ATAD2B: variants seen among roughly 807,000 people sequenced by gnomAD.
ATAD2B encodes ATPase family AAA domain containing 2B.
ATAD2B carries 40 observed loss-of-function variants against 167.6 expected under a neutral mutation model. That is an observed-to-expected ratio of 0.24 (90% CI 0.19 to 0.31). The LOEUF (loss-of-function observed/expected upper bound fraction) is 0.31, where lower values mean the gene tolerates loss of function less well. ATAD2B is among the 10% of genes least tolerant of loss of function. The pLI, the probability that ATAD2B is intolerant of heterozygous loss-of-function variation, is 1.00. For synonymous variants in ATAD2B, 579 were observed against 596.5 expected, an observed-to-expected ratio of 0.97 and a Z score of 0.43; for missense variants, 1,242 against 1,757.2, an observed-to-expected ratio of 0.71 and a Z score of 5.24.
At chr2:23,807,606 G>A (rs980425817) in intron 18 of ATAD2B, among the ~76,000 whole-genome samples, 11 of 151,810 alleles carry the variant, frequency 7.2e-5, no homozygotes, top group African/African-American at 2.7e-4. Flanking sequence ...CACGAAGTCA[G>A]GAGATCAAGG....
intron 18 of ATAD2B, among the ~76,000 whole-genome samples, chr2:23,807,761 A>G (rs1156435441): frequency 6.7e-6 from 1 of 148,706 alleles, no homozygotes; most frequent in African/African-American, 2.5e-5. Flanking sequence ...GGTTGCAGTG[A>G]GCTGAGATTG....
downstream of ATAD2B, among the ~76,000 whole-genome samples, chr2:23,746,559 T>C (rs893164568): frequency 2.6e-5 from 4 of 152,228 alleles, no homozygotes; most frequent in Non-Finnish European, 5.9e-5. Context: ...AAATGTTTAC[T>C]GAACTGACAG....
At chr2:23,883,394 G>A (rs1400324670) in intron 6 of ATAD2B, among the ~76,000 whole-genome samples, 1 of 151,122 alleles carries the variant, frequency 6.6e-6, no homozygotes, top group African/African-American at 2.4e-5. Context: ...AACAAATACA[G>A]TATTTATCTA....
At chr2:23,776,205 T>A (rs558807854) in intron 22 of ATAD2B, among the ~76,000 whole-genome samples, 10 of 152,322 alleles carry the variant, frequency 6.6e-5, no homozygotes, top group African/African-American at 2.4e-4. Context: ...GAATTTGACA[T>A]CCTGCCCATA....
chr2:23,920,421 G>C (rs1287689660), intron 1 of ATAD2B, among the ~76,000 whole-genome samples: 7 of 152,174 alleles, frequency 4.6e-5, no homozygotes, highest in Admixed American at 6.5e-5. Context: ...GGTAAAAACT[G>C]TGTTTTATTT....
intron 23 of ATAD2B, among the ~76,000 whole-genome samples, chr2:23,764,679 G>T (rs1446760512): frequency 2.0e-5 from 3 of 152,144 alleles, no homozygotes; most frequent in Non-Finnish European, 4.4e-5. Context: ...GGTGGTCAGG[G>T]AAGAGCTCTC....
chr2:23,843,922 G>A (rs986912779), intron 13 of ATAD2B, among the ~76,000 whole-genome samples: 5 of 152,164 alleles, frequency 3.3e-5, no homozygotes, highest in East Asian at 3.9e-4. Context: ...CTCAAGATCC[G>A]TATCACAAAT....
At chr2:23,734,104 G>A in the ATAD2B span, among the ~76,000 whole-genome samples, 3 of 152,174 alleles carry the variant, frequency 2.0e-5, no homozygotes, top group Admixed American at 6.5e-5. Flanking sequence ...TCAAGTTCCT[G>A]TATTAGTCTG....
chr2:23,738,427 G>T, the ATAD2B span, among the ~76,000 whole-genome samples: 1 of 152,174 alleles, frequency 6.6e-6, no homozygotes, highest in African/African-American at 2.4e-5. Context: ...TTTCAACCCA[G>T]AATTTCATAT....
chr2:23,780,831 G>A (rs999267397), intron 22 of ATAD2B, among the ~76,000 whole-genome samples: 1 of 152,244 alleles, frequency 6.6e-6, no homozygotes, highest in East Asian at 1.9e-4. Flanking sequence ...TTGAATCCAG[G>A]AGGCGGAGGT....
At chr2:23,760,459 G>A (rs1465687714) in intron 24 of ATAD2B, among the ~76,000 whole-genome samples, 4 of 151,772 alleles carry the variant, frequency 2.6e-5, no homozygotes, top group African/African-American at 7.3e-5. Flanking sequence ...TCAGGAGTTC[G>A]AGACCTACCT....
At chr2:23,791,642 T>G (rs982430264) in intron 19 of ATAD2B, among the ~76,000 whole-genome samples, 5 of 152,234 alleles carry the variant, frequency 3.3e-5, no homozygotes, top group Admixed American at 6.5e-5. Flanking sequence ...AAAGGAATTA[T>G]ACAAAATTTG....
At chr2:23,834,200 T>C in intron 13 of ATAD2B, 122 bp from the exon 14 acceptor site, 1 of 649,630 alleles carries the variant, frequency 1.5e-6, no homozygotes, top group Non-Finnish European at 2.3e-6. Context: ...GTCATTCCGT[T>C]GCCCAGGCTG....
At chr2:23,744,036 A>G (rs1674661120), downstream of ATAD2B, among the ~76,000 whole-genome samples, 1 of 152,216 alleles carries the variant, frequency 6.6e-6, no homozygotes, top group Non-Finnish European at 1.5e-5. Context: ...ACTGTCAATA[A>G]TTTTTACATA....
intron 18 of ATAD2B, chr2:23,799,897 C>T (rs1409393447): frequency 1.3e-5 from 2 of 152,068 alleles, no homozygotes; most frequent in Non-Finnish European, 2.9e-5. Context: ...TTGTACAGTA[C>T]AACTCCTTCA....
chr2:23,759,551 G>T (rs1266551330), intron 24 of ATAD2B, among the ~76,000 whole-genome samples: 2 of 152,148 alleles, frequency 1.3e-5, no homozygotes, highest in East Asian at 3.9e-4. Context: ...GATAAATTTA[G>T]TTATAAATAT....
At chr2:23,785,141 T>C in intron 21 of ATAD2B, among the ~76,000 whole-genome samples, 2 of 151,998 alleles carry the variant, frequency 1.3e-5, no homozygotes, top group East Asian at 3.9e-4. Context: ...TTCTTCCTAG[T>C]AACAGATGAG....
rs1553396417 is a variant in ATAD2B, at chr2:23,805,806, A to AAAAAAC, written c.2454+4509_2454+4510insGTTTTT. The stretch of plus-strand genomic sequence containing the variant: ...GCATTATCAAGCTTTAAAAAAAAAA[A>AAAAAAC]AACAAATCTGATACTTTATTTTCAC... On this transcript the variant is annotated intron_variant, in intron 18 of 27. Transcript: ENST00000238789. 9.0e-4 allele frequency among the ~76,000 whole-genome samples: 131 copies of AAAAAAC among 145,744 alleles called. 1 individual carries two copies. The highest frequency in any genetic ancestry group is 1.8e-3 in the East Asian group (9 of 5,002).
At chr2:23,921,498 G>A (rs1703926708) in intron 1 of ATAD2B, among the ~76,000 whole-genome samples, 1 of 152,118 alleles carries the variant, frequency 6.6e-6, no homozygotes, top group African/African-American at 2.4e-5. Flanking sequence ...AGGTATTTAG[G>A]AGACATACAA....
Sources: gnomAD v4.1 joint callset for allele counts (sites outside exome capture counted in the v4.1 genomes callset) on GRCh38, gnomAD v4.1.1 for gene constraint, MANE v1.5 for transcripts, NCBI Gene and HGNC (gene_info 2026-07-23, HGNC 2026-07-21) for gene names.